Variants in BAIAP2L1 observed in about 807,000 individuals in gnomAD.
The protein encoded by BAIAP2L1 is BAR/IMD domain-containing adapter protein 2-like 1.
Under a neutral mutation model 66.3 loss-of-function variants are expected in BAIAP2L1, and 35 were observed. That is an observed-to-expected ratio of 0.53 (90% CI 0.40 to 0.70). The LOEUF (loss-of-function observed/expected upper bound fraction) is 0.70, where lower values mean the gene tolerates loss of function less well. Among genes scored for constraint, BAIAP2L1 ranks in the 30% least tolerant of loss-of-function variants. The pLI is 0.00. For missense variants in BAIAP2L1, 622 were observed against 656.9 expected (o/e 0.95, Z 0.58); for synonymous variants, 269 against 248.7 (o/e 1.08, Z -0.77).
At chr7:98,386,606 A>T (rs1562793488) in intron 1 of BAIAP2L1, 1 of 1,589,854 alleles carries the variant, frequency 6.3e-7, no homozygotes, top group Non-Finnish European at 8.5e-7. Flanking sequence ...GAGAGCCAAA[A>T]GCAGGAATCA....
intron 10 of BAIAP2L1, 65 bp downstream of exon 10, chr7:98,307,624 G>A (rs1011655233): frequency 1.3e-6 from 2 of 1,594,420 alleles, no homozygotes; most frequent in Non-Finnish European, 1.7e-6. Flanking sequence ...ACAGTTTGCA[G>A]CTTGGCTGCT....
intron 7 of BAIAP2L1, 39 bp from the exon 8 acceptor site, chr7:98,312,303 TTGTC>T: frequency 1.9e-6 from 3 of 1,564,994 alleles, no homozygotes; most frequent in Non-Finnish European, 2.6e-6. Context: ...ACAAAGAAGA[TTGTC>T]TGAAGAGCTG....
chr7:98,328,660 A>G (rs1262208287), intron 3 of BAIAP2L1, among the ~76,000 whole-genome samples: 2 of 150,174 alleles, frequency 1.3e-5, no homozygotes, highest in African/African-American at 2.5e-5. Flanking sequence ...CAGCCTGGCA[A>G]CATAGCAAGA....
rs573961341 is a variant in BAIAP2L1, at chr7:98,292,793, G to A, written c.*728C>T. 2.0e-5 allele frequency: 31 copies of A among 1,541,304 alleles called. No individual in the cohort carries two copies. The highest frequency in any genetic ancestry group is 1.7e-4 in the Middle Eastern group (1 of 5,930). ...TGAGAACACAAGGAGCCGTGACTCCGACGCCCAGGCCTGTGTCCTGGATGG... is the reference window on the plus strand; with the variant it reads ...TGAGAACACAAGGAGCCGTGACTCCAACGCCCAGGCCTGTGTCCTGGATGG... On this transcript the variant is annotated 3_prime_UTR_variant, in exon 14 of 14. Transcript: ENST00000005260.
intron 2 of BAIAP2L1, among the ~76,000 whole-genome samples, chr7:98,356,575 C>T (rs1026889556): frequency 3.2e-4 from 48 of 150,638 alleles, no homozygotes; most frequent in African/African-American, 1.1e-3. Context: ...TGGCTCACTG[C>T]AGCCTTGACC....
chr7:98,386,052 A>G (rs1170877124), intron 1 of BAIAP2L1: 1 of 1,463,450 alleles, frequency 6.8e-7, no homozygotes, highest in Non-Finnish European at 9.5e-7. Flanking sequence ...CTTTCAAGTC[A>G]TTTGTCTGCA....
Position 98,378,303 on chromosome 7 carries a change from G to A in BAIAP2L1, c.52-15871C>T, listed in dbSNP as rs116707909. On this transcript the variant is annotated intron_variant, in intron 1 of 13. Transcript: ENST00000005260. ...CTGGTGTGTTTTAGCCTCAGTTCTCGTGTCCATCATAAGTGAATGTCATCA... is the reference window on the plus strand; with the variant it reads ...CTGGTGTGTTTTAGCCTCAGTTCTCATGTCCATCATAAGTGAATGTCATCA... Among the ~76,000 whole-genome samples, 752 of 152,264 alleles carry A rather than the reference G, an allele frequency of 4.9e-3. 12 individuals are homozygous for A. Among genetic ancestry groups the A allele is most frequent in the African/African-American group, 0.017 (702 of 41,546 alleles).
chr7:98,353,316 C>T (rs1157845322), intron 3 of BAIAP2L1, among the ~76,000 whole-genome samples: 2 of 139,642 alleles, frequency 1.4e-5, no homozygotes, highest in Admixed American at 1.6e-4. Flanking sequence ...CAGAGAGACC[C>T]CCTAAAATAT....
chr7:98,317,039 G>A (rs999557696), intron 6 of BAIAP2L1, among the ~76,000 whole-genome samples, 180 bp downstream of exon 6: 1 of 152,036 alleles, frequency 6.6e-6, no homozygotes, highest in African/African-American at 2.4e-5. Flanking sequence ...TTTTTGTAGA[G>A]GCAAGGTTTC....
Position 98,293,061 on chromosome 7 carries a change from G to C in BAIAP2L1, c.*460C>G. 1.3e-6 allele frequency: 1 copy of C among 795,450 alleles called. No homozygotes were observed. Among genetic ancestry groups the C allele is most frequent in the Non-Finnish European group, 1.6e-6 (1 of 636,914 alleles). 49.3% of individuals were successfully genotyped at this position (795,450 alleles called of 1,614,324 possible). The stretch of plus-strand genomic sequence containing the variant: ...CATAATTTATATTGCTTAAAATTAT[G>C]ATTTGCATGCTAAGATGCAAACTTA... On this transcript the variant is annotated 3_prime_UTR_variant, in exon 14 of 14. Transcript: ENST00000005260.
rs1562971129 is a variant in BAIAP2L1 at position 98,317,281 on chromosome 7, T to G, written c.424A>C (p.Lys142Gln). 2 of 1,614,274 alleles carry G rather than the reference T, an allele frequency of 1.2e-6. No individual in the cohort carries two copies. The highest frequency in any genetic ancestry group is 3.3e-5 in the Admixed American group (2 of 60,030). ...SLEKSQAELK[K>Q]IRRKSQGSRN... ...CTTCCTTGGCTTTTCCTTCTGATCTTCTTCAACTCAGCTTGGGATTTCTCC... is the reference window on the plus strand; with the variant it reads ...CTTCCTTGGCTTTTCCTTCTGATCTGCTTCAACTCAGCTTGGGATTTCTCC... Residue 142 changes from lysine (K) to glutamine (Q), a missense_variant, in exon 6 of 14, where the codon AAG (lysine) becomes CAG (glutamine). By Grantham distance (53) the Lys-to-Gln change is moderately conservative (BLOSUM62 1). Transcript: ENST00000005260.
chr7:98,336,588 C>A (rs140301039), intron 3 of BAIAP2L1, among the ~76,000 whole-genome samples: 2,476 of 152,224 alleles, frequency 0.016, 73 homozygotes, highest in African/African-American at 0.057. Context: ...TGCACTCCAG[C>A]CTGGGCAACA....
chr7:98,398,679 G>A (rs1803277920), intron 1 of BAIAP2L1, among the ~76,000 whole-genome samples: 1 of 152,058 alleles, frequency 6.6e-6, no homozygotes, highest in Admixed American at 6.6e-5. Flanking sequence ...TGCCGTTTCC[G>A]TTCTTTGGGT....
chr7:98,399,469 T>C (rs982491870), intron 1 of BAIAP2L1, among the ~76,000 whole-genome samples: 1 of 152,140 alleles, frequency 6.6e-6, no homozygotes, highest in Middle Eastern at 3.2e-3. Flanking sequence ...ATTTTAGGTT[T>C]AAAAAAGTCT....
chr7:98,344,194 C>T (rs1360166730), intron 3 of BAIAP2L1, among the ~76,000 whole-genome samples: 2 of 152,106 alleles, frequency 1.3e-5, no homozygotes, highest in Admixed American at 6.6e-5. Flanking sequence ...AAACAAACAA[C>T]TTTCTTTACA....
intron 11 of BAIAP2L1, among the ~76,000 whole-genome samples, 195 bp from the exon 12 acceptor site, chr7:98,304,571 A>G (rs1800562061): frequency 6.6e-6 from 1 of 152,032 alleles, no homozygotes; most frequent in Non-Finnish European, 1.5e-5. Flanking sequence ...TTTTTGCGAC[A>G]GAGTCTCACT....
rs757740915 is a variant in BAIAP2L1, at chr7:98,307,844, C to G, written c.1008G>C (p.Leu336=). Residue 336 remains leucine (L), a synonymous_variant, in exon 10 of 14, where the codon CTG becomes CTC. Transcript: ENST00000005260. ...LQRSVSVATG[L]NMMKKQKVKT... ...TCACTTTCTGCTTCTTCATCATGTT[C>G]AGTCCCGTTGCAACCGAAACTGATC... The G allele has an allele frequency of 3.1e-6, 5 of 1,614,250 alleles. No individual in the cohort carries two copies. In the East Asian group the frequency reaches 1.1e-4, roughly 36 times the overall value.
chr7:98,294,490 G>T (rs1800104986), intron 12 of BAIAP2L1, among the ~76,000 whole-genome samples: 1 of 152,206 alleles, frequency 6.6e-6, no homozygotes, highest in Non-Finnish European at 1.5e-5. Flanking sequence ...GCCTGCGCGG[G>T]TCACCCGTGA....
At chr7:98,388,889 G>A (rs986661843) in intron 1 of BAIAP2L1, among the ~76,000 whole-genome samples, 56 of 151,512 alleles carry the variant, frequency 3.7e-4, no homozygotes, top group African/African-American at 1.1e-3. Flanking sequence ...CAGGAGGAAC[G>A]CTTTAGCCTG....
Sources: gnomAD v4.1 joint callset for allele counts (sites outside exome capture counted in the v4.1 genomes callset) on GRCh38, gnomAD v4.1.1 for gene constraint, MANE v1.5 for transcripts, NCBI Gene and HGNC (gene_info 2026-07-23, HGNC 2026-07-21) for gene names.